The following AKAP19 variants were observed in gnomAD, a reference collection of about 807,000 sequenced individuals.
The protein encoded by AKAP19 is A-kinase anchoring protein 19.
chr2:189,941,045 T>C, the AKAP19 span, among the ~76,000 whole-genome samples: 1 of 152,202 alleles, frequency 6.6e-6, no homozygotes, highest in Non-Finnish European at 1.5e-5. Context: ...GTTTAATTCA[T>C]TGGGCAATAG....
At chr2:190,006,108 G>A in the AKAP19 span, among the ~76,000 whole-genome samples, 3 of 152,168 alleles carry the variant, frequency 2.0e-5, no homozygotes, top group Admixed American at 6.5e-5. Context: ...GAAGGCAGAC[G>A]AATAACACAG....
the AKAP19 span, among the ~76,000 whole-genome samples, chr2:190,011,750 G>A: frequency 2.6e-5 from 4 of 152,086 alleles, no homozygotes; most frequent in African/African-American, 9.7e-5. Context: ...TAAATATGTG[G>A]TTTTGTTTCT....
At chr2:190,070,516 A>G in the AKAP19 span, among the ~76,000 whole-genome samples, 76 of 152,050 alleles carry the variant, frequency 5.0e-4, no homozygotes, top group African/African-American at 1.8e-3. Context: ...GAACTCTAAG[A>G]ACTACATTAC....
the AKAP19 span, among the ~76,000 whole-genome samples, chr2:189,939,133 T>C: frequency 2.0e-5 from 3 of 151,990 alleles, no homozygotes; most frequent in African/African-American, 7.3e-5. Flanking sequence ...AGCAGGGAGG[T>C]GGGACTATCA....
the AKAP19 span, among the ~76,000 whole-genome samples, chr2:189,956,930 G>C: frequency 2.0e-5 from 3 of 152,296 alleles, no homozygotes; most frequent in East Asian, 5.8e-4. Context: ...AAGAATATCA[G>C]ACATGCTTTC....
chr2:190,143,574 C>T, the AKAP19 span, among the ~76,000 whole-genome samples: 3 of 152,196 alleles, frequency 2.0e-5, no homozygotes, highest in East Asian at 3.9e-4. Context: ...AACTTCTATC[C>T]ATATTATTGT....
At chr2:189,895,035 G>GAA in the AKAP19 span, among the ~76,000 whole-genome samples, 2 of 149,624 alleles carry the variant, frequency 1.3e-5, no homozygotes, top group East Asian at 3.9e-4. Flanking sequence ...ACTAATGAAA[G>GAA]AAAAAAAACA....
At chr2:190,008,681 A>T in the AKAP19 span, among the ~76,000 whole-genome samples, 4 of 151,934 alleles carry the variant, frequency 2.6e-5, no homozygotes, top group Non-Finnish European at 4.4e-5. Context: ...TTTGTGCTAG[A>T]TACTTTATGA....
chr2:190,146,428 A>G, the AKAP19 span, among the ~76,000 whole-genome samples: 47 of 152,120 alleles, frequency 3.1e-4, no homozygotes, highest in African/African-American at 5.5e-4. Flanking sequence ...AATTGTGCCA[A>G]TTTTGCTATT....
the AKAP19 span, chr2:190,180,705 G>GCTCCCAGAGGGCGCGCCC: frequency 1.0e-6 from 1 of 985,192 alleles, no homozygotes; most frequent in Non-Finnish European, 1.2e-6. The surrounding 1 kb of genome is among the most constrained non-coding windows in gnomAD (Gnocchi z 6.8). Context: ...TTCGTGGGTC[G>GCTCCCAGAGGGCGCGCCC]CTCCCAGAGG....
At chr2:190,060,199 GC>G in the AKAP19 span, 1 of 1,613,066 alleles carries the variant, frequency 6.2e-7, no homozygotes, top group Non-Finnish European at 8.5e-7. Context: ...TCAATGCTCT[GC>G]CAAATACCAG....
At chr2:189,938,425 A>G in the AKAP19 span, among the ~76,000 whole-genome samples, 1 of 152,194 alleles carries the variant, frequency 6.6e-6, no homozygotes, top group African/African-American at 2.4e-5. Context: ...GTCATTTTCA[A>G]CAACATGGAT....
chr2:190,115,459 A>G, the AKAP19 span, among the ~76,000 whole-genome samples: 3 of 139,750 alleles, frequency 2.1e-5, no homozygotes, highest in South Asian at 7.1e-4. Flanking sequence ...AGCTGGGACT[A>G]CAGGCGCCCG....
At chr2:189,998,954 T>G in the AKAP19 span, among the ~76,000 whole-genome samples, 1 of 151,824 alleles carries the variant, frequency 6.6e-6, no homozygotes, top group Non-Finnish European at 1.5e-5. Context: ...GTATTTTCAG[T>G]AGAGACAGGG....
the AKAP19 span, among the ~76,000 whole-genome samples, chr2:189,940,925 A>C: frequency 8.5e-5 from 13 of 152,306 alleles, 1 homozygote; most frequent in East Asian, 1.7e-3. Context: ...GAGAATACCA[A>C]ATTTGTTCCA....
chr2:189,903,950 A>C, the AKAP19 span, among the ~76,000 whole-genome samples: 1 of 152,078 alleles, frequency 6.6e-6, no homozygotes, highest in East Asian at 1.9e-4. Context: ...AACTGCATCT[A>C]TGTTACTGCT....
At chr2:190,162,014 A>T in the AKAP19 span, among the ~76,000 whole-genome samples, 1 of 152,172 alleles carries the variant, frequency 6.6e-6, no homozygotes, top group African/African-American at 2.4e-5. Context: ...GTTTCCTCAA[A>T]GTAATTGTGA....
At chr2:189,923,253 C>CGG in the AKAP19 span, 1 of 1,396,856 alleles carries the variant, frequency 7.2e-7, no homozygotes, top group African/African-American at 1.4e-5. Flanking sequence ...ACGCAGAACC[C>CGG]GGGAGTAGGA....
chr2:189,945,168 A>G, the AKAP19 span, among the ~76,000 whole-genome samples: 8 of 152,322 alleles, frequency 5.3e-5, no homozygotes, highest in South Asian at 1.7e-3. Flanking sequence ...CAAACCAACA[A>G]TGCACCTCAT....
Sources: allele counts gnomAD v4.1 joint callset (sites outside exome capture counted in the v4.1 genomes callset), GRCh38; gene constraint gnomAD v4.1.1; non-coding constraint Gnocchi (gnomAD v3.1); transcripts MANE v1.5; gene names NCBI Gene and HGNC (gene_info 2026-07-23, HGNC 2026-07-21).